Variants in PTPRG observed in about 807,000 individuals in gnomAD.
PTPRG encodes the protein protein tyrosine phosphatase receptor type G, also known as receptor-type tyrosine-protein phosphatase gamma.
Under a neutral mutation model 165.3 loss-of-function variants are expected in PTPRG, and 102 were observed. The ratio of observed to expected loss-of-function variants is 0.62; its 90% CI spans 0.53 to 0.73. The LOEUF (loss-of-function observed/expected upper bound fraction) is 0.73. PTPRG is among the 30% of genes least tolerant of loss of function. The probability of loss-of-function intolerance (pLI) is 0.00; values close to 1 mark genes in which losing one functional copy is unlikely to be tolerated. For missense variants in PTPRG, 1,866 were observed against 1,861.4 expected (o/e 1.00, Z -0.05); for synonymous variants, 675 against 669.5 (o/e 1.01, Z -0.13).
At chr3:61,976,555 C>T (rs1336318745) in intron 2 of PTPRG, among the ~76,000 whole-genome samples, 1 of 152,170 alleles carries the variant, frequency 6.6e-6, no homozygotes, top group Non-Finnish European at 1.5e-5. Context: ...ATGTGGTTAA[C>T]ATAAAATAGA....
intron 1 of PTPRG, among the ~76,000 whole-genome samples, chr3:61,708,341 G>T (rs984627161): frequency 6.6e-6 from 1 of 151,782 alleles, no homozygotes; most frequent in Admixed American, 6.6e-5. Flanking sequence ...AGTGTCTCAG[G>T]AGCATGAGGA....
At chr3:61,604,026 A>G (rs1041180189) in intron 1 of PTPRG, among the ~76,000 whole-genome samples, 2 of 152,214 alleles carry the variant, frequency 1.3e-5, no homozygotes, top group African/African-American at 4.8e-5. Context: ...TTTTATTGAC[A>G]TATATTTGTC....
At chr3:62,290,395 G>A (rs754295864) in intron 28 of PTPRG, among the ~76,000 whole-genome samples, 2 of 152,040 alleles carry the variant, frequency 1.3e-5, no homozygotes, top group African/African-American at 2.4e-5. Flanking sequence ...CGATGGAGTC[G>A]GGTGGAAGGT....
chr3:61,693,612 T>G (rs949111486), intron 1 of PTPRG, among the ~76,000 whole-genome samples: 34 of 152,044 alleles, frequency 2.2e-4, no homozygotes, highest in African/African-American at 7.5e-4. Flanking sequence ...TGCTGCAGAA[T>G]AAAGGTGCAC....
At chr3:61,638,371 A>G (rs895333684) in intron 1 of PTPRG, among the ~76,000 whole-genome samples, 10 of 152,064 alleles carry the variant, frequency 6.6e-5, no homozygotes, top group Non-Finnish European at 1.0e-4. Context: ...TTCAAAGGGG[A>G]AAGCACCTTG....
Position 61,954,542 on chromosome 3 carries a change from G to A in PTPRG, c.191-35083G>A, listed in dbSNP as rs570662228. Among the ~76,000 whole-genome samples the A allele has an allele frequency of 5.9e-5, 9 of 152,258 alleles. No individual in the cohort carries two copies. In the East Asian group the frequency reaches 1.4e-3, roughly 23 times the overall value. On this transcript the variant is annotated intron_variant, in intron 2 of 29. Transcript: ENST00000474889. ...ATGAGGTAAGCAATAGGGACCTTCA[G>A]AGATTCGTGGGGAGACGTTTATTCT...
chr3:61,815,931 T>C (rs1414600682), intron 2 of PTPRG, among the ~76,000 whole-genome samples: 2 of 152,212 alleles, frequency 1.3e-5, no homozygotes, highest in South Asian at 4.1e-4. Context: ...TTTAGGCTAT[T>C]TTATTTCCTA....
chr3:61,713,817 C>G lies in PTPRG; in HGVS notation c.86-35061C>G, dbSNP rs556378858. ...AGGCATCCACACTCTTATTAGATGG[C>G]CTGCACAAGTTATGTGCCCATTTCC... is the stretch of plus-strand genomic sequence containing the variant. On this transcript the variant is annotated intron_variant, in intron 1 of 29. Transcript: ENST00000474889. 3.9e-5 allele frequency among the ~76,000 whole-genome samples: 6 copies of G among 152,220 alleles called. No homozygotes were observed. In the East Asian group the frequency reaches 1.2e-3, roughly 29 times the overall value.
intron 1 of PTPRG, among the ~76,000 whole-genome samples, chr3:61,727,667 G>A (rs1435422463): frequency 3.3e-5 from 5 of 152,158 alleles, no homozygotes; most frequent in Non-Finnish European, 5.9e-5. Flanking sequence ...ACTGCTGCCT[G>A]TTTTTCTTTC....
At chr3:61,719,958 C>T (rs545833056) in intron 1 of PTPRG, among the ~76,000 whole-genome samples, 3 of 152,302 alleles carry the variant, frequency 2.0e-5, no homozygotes, top group East Asian at 1.9e-4. Context: ...CTTTGCTGGC[C>T]GCTCTTGCTC....
chr3:61,589,622 G>A lies in PTPRG; in HGVS notation c.85+27250G>A, dbSNP rs528326353. Among the ~76,000 whole-genome samples, 3 of 152,252 alleles carry A rather than the reference G, an allele frequency of 2.0e-5. No homozygotes were observed. In the South Asian group the frequency reaches 6.2e-4, roughly 32 times the overall value. ...AACTTTCAGAATTCAGGTGGTTGAT[G>A]GGGTGGGGTGGGGGTGTCAGTATGC... On this transcript the variant is annotated intron_variant, in intron 1 of 29. Coordinates refer to ENST00000474889, the MANE Select transcript of PTPRG (RefSeq NM_002841.4).
intron 1 of PTPRG, among the ~76,000 whole-genome samples, chr3:61,600,181 T>A (rs1392961003): frequency 9.3e-5 from 13 of 139,362 alleles, no homozygotes; most frequent in African/African-American, 2.3e-4. Context: ...AAAATATATA[T>A]ATATATATAT....
intron 1 of PTPRG, among the ~76,000 whole-genome samples, chr3:61,678,353 C>T (rs1030387052): frequency 2.6e-5 from 4 of 152,180 alleles, no homozygotes; most frequent in African/African-American, 9.6e-5. Flanking sequence ...AAATAGTCAA[C>T]ATGTGTTTTA....
intron 2 of PTPRG, among the ~76,000 whole-genome samples, chr3:61,895,035 G>A (rs183467016): frequency 3.4e-4 from 52 of 152,302 alleles, no homozygotes; most frequent in African/African-American, 1.1e-3. Context: ...GTGACAACCA[G>A]TGTCTCCAGA....
intron 1 of PTPRG, among the ~76,000 whole-genome samples, chr3:61,618,128 A>G (rs963467388): frequency 3.1e-4 from 47 of 152,192 alleles, no homozygotes; most frequent in African/African-American, 1.1e-3. Flanking sequence ...GTGCTTTTTT[A>G]TGCAGAGTAA....
chr3:62,220,535 AG>A (rs1340413552), intron 13 of PTPRG, among the ~76,000 whole-genome samples: 1 of 152,162 alleles, frequency 6.6e-6, no homozygotes, highest in Non-Finnish European at 1.5e-5. Context: ...TGGCTGGAAC[AG>A]AAGAATAAGG....
At position 61,921,664 on chromosome 3, in the gene PTPRG, G is replaced by A. The variant is rs550992698; in HGVS notation, c.191-67961G>A. Among the ~76,000 whole-genome samples, 3 of 152,240 alleles carry A rather than the reference G, an allele frequency of 2.0e-5. No homozygotes were observed. In the South Asian group the frequency reaches 6.2e-4, roughly 32 times the overall value. On this transcript the variant is annotated intron_variant, in intron 2 of 29. Transcript: ENST00000474889. ...TATGTGAAAGTTAAATGAATTTCATGTTTAGACTTGGCTCTCACATTTAGA... is the reference window on the plus strand; with the variant it reads ...TATGTGAAAGTTAAATGAATTTCATATTTAGACTTGGCTCTCACATTTAGA...
intron 4 of PTPRG, among the ~76,000 whole-genome samples, chr3:62,033,544 C>A (rs113814815): frequency 4.0e-5 from 6 of 148,534 alleles, no homozygotes; most frequent in Non-Finnish European, 8.9e-5. Context: ...CCCCCCACCC[C>A]CCACCAGAGA....
chr3:61,616,897 G>A (rs779339988), intron 1 of PTPRG, among the ~76,000 whole-genome samples: 4 of 152,190 alleles, frequency 2.6e-5, no homozygotes, highest in Admixed American at 6.5e-5. Flanking sequence ...GAACAGAAAG[G>A]GTGTTGTTGG....
Sources: allele counts gnomAD v4.1 joint callset (sites outside exome capture counted in the v4.1 genomes callset), GRCh38; gene constraint gnomAD v4.1.1; transcripts MANE v1.5; gene names NCBI Gene and HGNC (gene_info 2026-07-23, HGNC 2026-07-21).